MIB2: variants seen among roughly 807,000 people sequenced by gnomAD.
MIB2 encodes MIB E3 ubiquitin protein ligase 2, also known as E3 ubiquitin-protein ligase MIB2.
MIB2 carries 78 observed loss-of-function variants against 96.6 expected under a neutral mutation model. The observed-to-expected ratio is 0.81, with a 90% CI of 0.67 to 0.97. MIB2 has a LOEUF of 0.97. MIB2 is among the 50% of genes least tolerant of loss of function. The pLI is 0.00. For synonymous variants in MIB2, 820 were observed against 629.5 expected (o/e 1.30, Z -4.53); for missense variants, 1,543 against 1,424.0 (o/e 1.08, Z -1.35).
chr1:1,630,320 C>G lies in MIB2; in HGVS notation c.2658C>G (p.Pro886=). The change falls in exon 20 of 20, where the codon CCC becomes CCG. Residue 886 remains proline (P), a synonymous_variant. Coordinates refer to ENST00000355826, the MANE Select transcript of MIB2 (RefSeq NM_001170687.4). ...PDGSEVASAA[P]APGPPRQLVE... ...GCTCTGAGGTGGCGAGCGCCGCCCC[C>G]GCCCCCGGCCCGCCGCGCCAGCTGG... The G allele has an allele frequency of 6.5e-7, 1 of 1,532,082 alleles. No individual in the cohort carries two copies. The highest frequency in any genetic ancestry group is 8.7e-7 in the Non-Finnish European group (1 of 1,143,568). 94.9% of individuals were successfully genotyped at this position (1,532,082 alleles called of 1,614,324 possible).
Position 1,629,572 on chromosome 1 carries a change from TG to T in MIB2, c.2563+12del, listed in dbSNP as rs112177324. On this transcript the variant is annotated splice_region_variant and intron_variant, in intron 18 of 19. Transcript: ENST00000355826. Reference sequence around the variant, plus strand: ...GCACCGCACCGTGTGTGAGGGTGAGTGGGGGGCCCCGGGGTGGGGAGGCCCG... The same window carrying T: ...GCACCGCACCGTGTGTGAGGGTGAGTGGGGGCCCCGGGGTGGGGAGGCCCG... The T allele has an allele frequency of 0.33, 514,644 of 1,554,838 alleles. 92,967 individuals are homozygous for T. Among genetic ancestry groups the T allele is most frequent in the Non-Finnish European group, 0.37 (431,378 of 1,151,404 alleles).
rs564905483 is a variant in MIB2 at position 1,630,368 on chromosome 1, C to T, written c.2706C>T (p.Tyr902=). Residue 902 remains tyrosine, a synonymous_variant, in exon 20 of 20, where the codon TAC becomes TAT. Coordinates refer to ENST00000355826, the MANE Select transcript of MIB2 (RefSeq NM_001170687.4). ...RQLVEELQSR[Y]RQMEERITCP... is the part of the protein sequence containing the mutation. Reference sequence around the variant, plus strand: ...TGGTGGAGGAGCTGCAGAGCCGCTACCGGCAGATGGAGGAACGCATCACCT... The same window carrying T: ...TGGTGGAGGAGCTGCAGAGCCGCTATCGGCAGATGGAGGAACGCATCACCT... The T allele has an allele frequency of 3.2e-6, 5 of 1,546,436 alleles. No individual in the cohort carries two copies. In the East Asian group the frequency reaches 9.9e-5, roughly 30 times the overall value.
chr1:1,626,777 C>T lies in MIB2; in HGVS notation c.1077+23C>T, dbSNP rs771800762. ...CCTGTGAGTCCCCCTGCCACCCCCG[C>T]CGCTAGCGCCGCTGCCCCCCACACC... On this transcript the variant is annotated intron_variant, in intron 9 of 19. Transcript: ENST00000355826. This position sits in a 1 kb window ranked among gnomAD's most constrained non-coding sequence, Gnocchi z 5.3. 3.2e-6 allele frequency: 5 copies of T among 1,573,084 alleles called. No homozygotes were observed. The African/African-American group carries it at 5.4e-5, about 17-fold the overall frequency.
chr1:1,627,847 G>A lies in MIB2; in HGVS notation c.1680+18G>A. On this transcript the variant is annotated intron_variant, in intron 13 of 19. Transcript: ENST00000355826. Reference sequence around the variant, plus strand: ...ACCTGCCCGTGAGTGCTGCTCCCTGGCCTGGGTGCCCCCTGCCCGTGAGTG... The same window carrying A: ...ACCTGCCCGTGAGTGCTGCTCCCTGACCTGGGTGCCCCCTGCCCGTGAGTG... 1 of 1,591,018 alleles carries A rather than the reference G, an allele frequency of 6.3e-7. No individual in the cohort carries two copies. Among genetic ancestry groups the A allele is most frequent in the Non-Finnish European group, 8.5e-7 (1 of 1,178,704 alleles).
At position 1,628,708 on chromosome 1, in the gene MIB2, C is replaced by G; in HGVS notation, c.2188C>G (p.Gln730Glu). ...GGCCGGGGGGGACCCAGGGCCCTTG[C>G]AGCTGCTGTCCAGGGTGAGGAAGTG... Reference protein sequence around the residue: ...DGAGGDPGPLQLLSRLQASGL... With the variant: ...DGAGGDPGPLELLSRLQASGL... The change falls in exon 16 of 20, where the codon CAG becomes GAG. Residue 730 changes from glutamine to glutamate, a missense_variant. Gln to Glu is a conservative substitution (Grantham distance 29). Coordinates refer to ENST00000355826, the MANE Select transcript of MIB2 (RefSeq NM_001170687.4). 1.3e-6 allele frequency: 2 copies of G among 1,549,074 alleles called. No individual in the cohort carries two copies. The highest frequency in any genetic ancestry group is 2.4e-5 in the East Asian group (1 of 42,006).
intron 2 of MIB2, among the ~76,000 whole-genome samples, chr1:1,621,266 C>T (rs1011330801): frequency 8.5e-5 from 13 of 152,162 alleles, no homozygotes; most frequent in African/African-American, 2.7e-4. Flanking sequence ...CTCCTGGCTC[C>T]GCGGGGCCTC....
intron 2 of MIB2, 188 bp from the exon 3 acceptor site, chr1:1,623,243 G>T: frequency 1.0e-6 from 1 of 999,338 alleles, no homozygotes; most frequent in Non-Finnish European, 1.4e-6. Context: ...CTTTCCCACC[G>T]GCCTCCCTGG....
intron 2 of MIB2, among the ~76,000 whole-genome samples, chr1:1,619,843 A>G (rs1387375387): frequency 1.2e-4 from 19 of 152,182 alleles, no homozygotes; most frequent in Admixed American, 1.2e-3. Flanking sequence ...GTGGGCTTCC[A>G]TGAGGGACAG....
chr1:1,625,992 G>C lies in MIB2; in HGVS notation c.972+339G>C, dbSNP rs77523903. 3.0e-6 allele frequency: 1 copy of C among 328,842 alleles called. No homozygotes were observed. Among genetic ancestry groups the C allele is most frequent in the Non-Finnish European group, 5.6e-6 (1 of 177,380 alleles). The allele number at this position is 328,842 out of a possible 1,614,324, so 20.4% of individuals were successfully genotyped here. ...TCCTGGTTAGTGCTGTATGGGGGCC[G>C]ATGGGGGTGGCTGGTTAGGACAGGG... On this transcript the variant is annotated intron_variant, in intron 8 of 19. Coordinates refer to ENST00000355826, the MANE Select transcript of MIB2 (RefSeq NM_001170687.4). This position sits in a 1 kb window ranked among gnomAD's most constrained non-coding sequence, Gnocchi z 5.0.
At chr1:1,616,784 A>G (rs1643756029) in intron 2 of MIB2, 170 bp downstream of exon 2, 1 of 570,982 alleles carries the variant, frequency 1.8e-6, no homozygotes, top group Middle Eastern at 2.7e-4. Context: ...CCATGGAGGA[A>G]GAAAGCAGAG....
chr1:1,624,922 G>A (rs534411812), intron 5 of MIB2, 21 bp downstream of exon 5: 14 of 1,610,552 alleles, frequency 8.7e-6, no homozygotes, highest in East Asian at 6.7e-5. Flanking sequence ...GCAGAGGGGC[G>A]GGGTCAGGGC....
rs771062386 is a variant in MIB2 at position 1,628,122 on chromosome 1, C to A, written c.1784C>A (p.Ala595Asp). ...GAGGTGCCAAACATCGATGTTACCG[C>A]CACCAACAGCCAGGGTTTCACCCTG... Reference protein sequence around the residue: ...LTEVPNIDVTATNSQGFTLLH... With the variant: ...LTEVPNIDVTDTNSQGFTLLH... The change falls in exon 14 of 20, where the codon GCC (alanine) becomes GAC (aspartate). Residue 595 changes from alanine to aspartate, a missense_variant. By Grantham distance (126) the Ala-to-Asp change is moderately radical. Transcript: ENST00000355826. The A allele has an allele frequency of 1.9e-6, 3 of 1,613,412 alleles. No individual in the cohort carries two copies. Among genetic ancestry groups the A allele is most frequent in the South Asian group, 1.1e-5 (1 of 91,086 alleles).
chr1:1,626,610 C>A lies in MIB2; in HGVS notation c.973-40C>A. On this transcript the variant is annotated intron_variant, in intron 8 of 19. Transcript: ENST00000355826. This position sits in a 1 kb window ranked among gnomAD's most constrained non-coding sequence, Gnocchi z 5.3. ...TGTTGCATGAGCCTGGGCAGCCACA[C>A]ACAGCTGGGGGGCCCCTCACGCCCC... 1 of 1,478,774 alleles carries A rather than the reference C, an allele frequency of 6.8e-7. No individual in the cohort carries two copies. The allele number at this position is 1,478,774 out of a possible 1,614,324, so 91.6% of individuals were successfully genotyped here.
intron 2 of MIB2, chr1:1,617,623 A>C (rs969289377): frequency 6.6e-6 from 1 of 152,186 alleles, no homozygotes; most frequent in Non-Finnish European, 1.5e-5. Context: ...TTTAGCTTCC[A>C]ACAGGAAAGC....
At chr1:1,630,115 T>C (rs1320700313) in intron 19 of MIB2, among the ~76,000 whole-genome samples, 177 bp from the exon 20 acceptor site, 2 of 119,672 alleles carry the variant, frequency 1.7e-5, no homozygotes, top group Non-Finnish European at 3.4e-5. Context: ...ACGGCTCACC[T>C]CCTGCCCGCA....
chr1:1,624,278 C>T, intron 4 of MIB2: 1 of 427,454 alleles, frequency 2.3e-6, no homozygotes, highest in Non-Finnish European at 4.2e-6. Flanking sequence ...GAGAATCTAG[C>T]CTGCTTGGGG....
upstream of MIB2, chr1:1,614,268 G>A (rs1643412266): frequency 6.6e-6 from 1 of 152,244 alleles, no homozygotes; most frequent in East Asian, 1.9e-4. Context: ...AATACCTGCA[G>A]CAGGCCTCCT....
Position 1,623,666 on chromosome 1 carries a change from C to G in MIB2, c.214C>G (p.His72Asp). The change falls in exon 3 of 20, where the codon CAC becomes GAC. Residue 72 changes from histidine (H) to aspartate (D), a missense_variant. His to Asp is a moderately conservative substitution (Grantham distance 81). Coordinates refer to ENST00000355826, the MANE Select transcript of MIB2 (RefSeq NM_001170687.4). ...CTACCGCGCCGGCTACCAGGGCGCG[C>G]ACGACCTGCTGCTGTACGACAACGC... is the stretch of plus-strand genomic sequence containing the variant. ...TNYRAGYQGA[H>D]DLLLYDNAQI... 1 of 1,485,586 alleles carries G rather than the reference C, an allele frequency of 6.7e-7. No individual in the cohort carries two copies. Among genetic ancestry groups the G allele is most frequent in the Non-Finnish European group, 9.0e-7 (1 of 1,114,256 alleles). The allele number at this position is 1,485,586 out of a possible 1,614,324, so 92.0% of individuals were successfully genotyped here.
At chr1:1,620,608 C>T (rs1557565504) in intron 2 of MIB2, among the ~76,000 whole-genome samples, 3 of 152,370 alleles carry the variant, frequency 2.0e-5, no homozygotes, top group East Asian at 1.9e-4. Context: ...CTTGTCCCCC[C>T]GCCAGCAGAC....
Sources: allele counts gnomAD v4.1 joint callset (sites outside exome capture counted in the v4.1 genomes callset), GRCh38; gene constraint gnomAD v4.1.1; non-coding constraint Gnocchi (gnomAD v3.1); transcripts MANE v1.5; gene names NCBI Gene and HGNC (gene_info 2026-07-23, HGNC 2026-07-21).